Variants in GRID2 observed in about 807,000 individuals in gnomAD.
GRID2 encodes the protein glutamate ionotropic receptor delta type subunit 2.
A neutral mutation model predicts 114.8 loss-of-function variants in GRID2; 33 were observed. The ratio of observed to expected loss-of-function variants is 0.29; its 90% CI spans 0.22 to 0.38. GRID2 has a LOEUF of 0.38. GRID2 is among the 10% of genes least tolerant of loss of function. The pLI is 1.00. For missense variants in GRID2, 1,184 were observed against 1,257.7 expected (o/e 0.94, Z 0.89); for synonymous variants, 505 against 449.9 (o/e 1.12, Z -1.55).
At position 92,905,284 on chromosome 4, in the gene GRID2, T is replaced by A. The variant is rs1019084609; in HGVS notation, c.245-179711T>A. Reference sequence around the variant, plus strand: ...GGACTGAATTTTATATCCCATTGAATAAATTAATTCCACACACAAGTTTTA... The same window carrying A: ...GGACTGAATTTTATATCCCATTGAAAAAATTAATTCCACACACAAGTTTTA... On this transcript the variant is annotated intron_variant, in intron 2 of 15. Transcript: ENST00000282020. Among the ~76,000 whole-genome samples the A allele has an allele frequency of 4.0e-5, 6 of 150,960 alleles. No individual in the cohort carries two copies. The South Asian group carries it at 6.3e-4, about 16-fold the overall frequency.
intron 8 of GRID2, among the ~76,000 whole-genome samples, chr4:93,364,172 C>T (rs1762126175): frequency 6.6e-6 from 1 of 152,030 alleles, no homozygotes; most frequent in Non-Finnish European, 1.5e-5. Context: ...GAGAAAAATA[C>T]TAAAGCTACG....
intron 1 of GRID2, among the ~76,000 whole-genome samples, chr4:92,378,225 ATTAAC>A (rs1266534934): frequency 6.6e-6 from 1 of 152,096 alleles, no homozygotes; most frequent in Non-Finnish European, 1.5e-5. Flanking sequence ...AGCCCTGTAG[ATTAAC>A]TTAAATTTTA....
At chr4:93,160,378 T>TA (rs896837413) in intron 4 of GRID2, among the ~76,000 whole-genome samples, 7 of 151,662 alleles carry the variant, frequency 4.6e-5, no homozygotes, top group East Asian at 1.9e-4. Flanking sequence ...TCTCGAGTCT[T>TA]AAAAAAAAGT....
chr4:92,994,330 T>C (rs890794447), intron 2 of GRID2, among the ~76,000 whole-genome samples: 3 of 152,052 alleles, frequency 2.0e-5, no homozygotes, highest in Admixed American at 2.0e-4. Context: ...TTTCGCACTT[T>C]AAGTTATTGT....
downstream of GRID2, among the ~76,000 whole-genome samples, chr4:93,778,173 G>T (rs1439328164): frequency 3.9e-5 from 6 of 152,088 alleles, no homozygotes; most frequent in Non-Finnish European, 8.8e-5. Context: ...CTATTTCCTG[G>T]AGGCAAGGGT....
At chr4:92,404,719 T>G (rs944867922) in intron 1 of GRID2, among the ~76,000 whole-genome samples, 4 of 152,090 alleles carry the variant, frequency 2.6e-5, no homozygotes, top group African/African-American at 9.7e-5. Flanking sequence ...AACAAGATCA[T>G]GTCCTTTGCA....
intron 2 of GRID2, among the ~76,000 whole-genome samples, chr4:92,800,252 G>A (rs1740088080): frequency 1.3e-5 from 2 of 151,612 alleles, no homozygotes; most frequent in African/African-American, 2.4e-5. Flanking sequence ...AGATGGCATA[G>A]CAAAGGAAAT....
chr4:92,972,892 A>G (rs1373001474), intron 2 of GRID2, among the ~76,000 whole-genome samples: 4 of 152,156 alleles, frequency 2.6e-5, no homozygotes, highest in Non-Finnish European at 5.9e-5. Context: ...GTTGGCTAAG[A>G]TAATGACCTC....
chr4:93,455,572 T>C, intron 10 of GRID2, 90 bp from the exon 11 acceptor site: 1 of 749,478 alleles, frequency 1.3e-6, no homozygotes, highest in Admixed American at 2.4e-5. Flanking sequence ...CTGAGGCATC[T>C]ATTTTTTTTT....
intron 2 of GRID2, among the ~76,000 whole-genome samples, chr4:92,748,234 ATTTG>A (rs760979197): frequency 5.3e-5 from 8 of 152,196 alleles, no homozygotes; most frequent in Non-Finnish European, 1.2e-4. Flanking sequence ...AGCTAAGGTA[ATTTG>A]TTTGGGAAGT....
intron 2 of GRID2, among the ~76,000 whole-genome samples, chr4:92,930,578 ATTTTTTTT>A: frequency 8.4e-6 from 1 of 119,502 alleles, no homozygotes; most frequent in South Asian, 2.7e-4. Flanking sequence ...CACTTTCGGC[ATTTTTTTT>A]TTTTTTTTTT....
chr4:93,204,516 GA>G (rs1347279410), intron 4 of GRID2, among the ~76,000 whole-genome samples: 1 of 152,128 alleles, frequency 6.6e-6, no homozygotes, highest in Non-Finnish European at 1.5e-5. Context: ...AGACCAGAAG[GA>G]GAGACTATCT....
At chr4:93,255,233 A>C (rs1403558915) in intron 8 of GRID2, among the ~76,000 whole-genome samples, 1 of 152,122 alleles carries the variant, frequency 6.6e-6, no homozygotes. Context: ...ATTAAGAAAA[A>C]AATTAGCAAT....
chr4:93,794,746 G>A (rs576981948), intron 1 of GRID2, among the ~76,000 whole-genome samples: 1 of 152,244 alleles, frequency 6.6e-6, no homozygotes, highest in East Asian at 1.9e-4. Flanking sequence ...GAAATAAACT[G>A]TGCTTAACCA....
At chr4:92,698,370 CTCTT>C (rs763798774) in intron 2 of GRID2, among the ~76,000 whole-genome samples, 1 of 152,094 alleles carries the variant, frequency 6.6e-6, no homozygotes, top group Non-Finnish European at 1.5e-5. Context: ...TAATCTCTCT[CTCTT>C]TCTGTCTGCC....
At chr4:93,141,415 C>T (rs1475352272) in intron 4 of GRID2, among the ~76,000 whole-genome samples, 2 of 152,066 alleles carry the variant, frequency 1.3e-5, no homozygotes, top group Admixed American at 6.5e-5. Flanking sequence ...CTGGCAGTTA[C>T]CTTGACTCAA....
intron 1 of GRID2, among the ~76,000 whole-genome samples, chr4:92,520,710 T>C (rs984354190): frequency 1.3e-5 from 2 of 151,918 alleles, no homozygotes; most frequent in Non-Finnish European, 2.9e-5. Context: ...CATGCTAAGC[T>C]GGAACAGTGA....
At chr4:93,793,037 A>G (rs111664622) in intron 1 of GRID2, among the ~76,000 whole-genome samples, 3,223 of 152,324 alleles carry the variant, frequency 0.021, 46 homozygotes, top group South Asian at 0.038. Context: ...CTATTTTTCA[A>G]TGGAAACTGT....
At chr4:92,898,206 A>G (rs1466534651) in intron 2 of GRID2, among the ~76,000 whole-genome samples, 7 of 152,136 alleles carry the variant, frequency 4.6e-5, no homozygotes, top group Non-Finnish European at 8.8e-5. Flanking sequence ...CCTAAAAGAA[A>G]AGACGCATAT....
Sources: gnomAD v4.1 joint callset for allele counts (sites outside exome capture counted in the v4.1 genomes callset) on GRCh38, gnomAD v4.1.1 for gene constraint, MANE v1.5 for transcripts, NCBI Gene and HGNC (gene_info 2026-07-23, HGNC 2026-07-21) for gene names.